Variants in ABCC6 observed in about 807,000 individuals in gnomAD.
ABCC6 encodes the protein ATP binding cassette subfamily C member 6.
Under a neutral mutation model 169.5 loss-of-function variants are expected in ABCC6, and 126 were observed. That is an observed-to-expected ratio of 0.74 (90% CI 0.64 to 0.86). The LOEUF (loss-of-function observed/expected upper bound fraction) is 0.86, where lower values mean the gene tolerates loss of function less well. Ranked by LOEUF, ABCC6 falls within the 40% of genes least tolerant of loss-of-function variation. ABCC6 has a pLI of 0.00. For missense variants in ABCC6, 1,733 were observed against 1,927.2 expected (o/e 0.90, Z 1.89); for synonymous variants, 752 against 814.7 (o/e 0.92, Z 1.31).
chr16:16,179,810 C>T (rs538337257), intron 17 of ABCC6, among the ~76,000 whole-genome samples: 36 of 152,170 alleles, frequency 2.4e-4, no homozygotes, highest in South Asian at 6.2e-4. Context: ...AGGCTGGTCT[C>T]GAACTCCTGC....
chr16:16,172,154 T>G (rs2047116969), intron 21 of ABCC6, among the ~76,000 whole-genome samples: 1 of 99,550 alleles, frequency 1.0e-5, no homozygotes. Context: ...AATGAGTGAG[T>G]GGGATGGATA....
chr16:16,170,096 TTG>T lies in ABCC6; in HGVS notation c.2788-245_2788-244del, dbSNP rs1491473663. Among the ~76,000 whole-genome samples the T allele has an allele frequency of 5.3e-3, 29 of 5,422 alleles. No homozygotes were observed. The South Asian group carries it at 0.061, about 11-fold the overall frequency. 3.6% of individuals were successfully genotyped at this position (5,422 alleles called of 152,430 possible). On this transcript the variant is annotated intron_variant, in intron 21 of 30. Transcript: ENST00000205557. ...GGAGCTAGTATTAATATTTTTTCTTTTGTTTTTTTTTTGAGGACAGGGTCTTG... is the reference window on the plus strand; with the variant it reads ...GGAGCTAGTATTAATATTTTTTCTTTTTTTTTTTTTGAGGACAGGGTCTTG...
intron 29 of ABCC6, among the ~76,000 whole-genome samples, chr16:16,152,321 A>G (rs2046409971): frequency 6.6e-6 from 1 of 151,200 alleles, no homozygotes; most frequent in South Asian, 2.1e-4. Context: ...CCCCTGACCC[A>G]GGTGGGAACT....
At chr16:16,192,018 A>C (rs1335563830) in intron 11 of ABCC6, among the ~76,000 whole-genome samples, 1 of 152,064 alleles carries the variant, frequency 6.6e-6, no homozygotes, top group Non-Finnish European at 1.5e-5. Context: ...GGGGGGAAAA[A>C]AGCAAAAACA....
At chr16:16,203,641 G>C in intron 7 of ABCC6, 28 bp from the exon 8 acceptor site, 1 of 1,612,852 alleles carries the variant, frequency 6.2e-7, no homozygotes, top group Non-Finnish European at 8.5e-7. Context: ...ATTAGCTCTG[G>C]GTCCCATTTT....
At chr16:16,200,021 T>C (rs1057489950) in intron 9 of ABCC6, among the ~76,000 whole-genome samples, 2 of 151,398 alleles carry the variant, frequency 1.3e-5, no homozygotes, top group Admixed American at 6.6e-5. Flanking sequence ...TGAGCCAAGA[T>C]TGCACCGCTG....
chr16:16,150,832 G>A (rs1404014024), intron 29 of ABCC6, 60 bp from the exon 30 acceptor site: 1 of 1,583,622 alleles, frequency 6.3e-7, no homozygotes, highest in African/African-American at 1.3e-5. Flanking sequence ...GTGATGTGTG[G>A]GTGTGCCCAG....
Position 16,177,603 on chromosome 16 carries a change from T to C in ABCC6, c.2439A>G (p.Ala813=). 1 of 1,614,064 alleles carries C rather than the reference T, an allele frequency of 6.2e-7. No homozygotes were observed. Among genetic ancestry groups the C allele is most frequent in the Non-Finnish European group, 8.5e-7 (1 of 1,180,010 alleles). ...AATCAGCCTGGGGCAGGATGTGGAG[T>C]GCGTGCGTCACGAGAATCCGTGTCT... ...QGTTRILVTH[A]LHILPQADWI... is the part of the protein sequence containing the mutation. The change falls in exon 19 of 31, where the codon GCA becomes GCG. Residue 813 remains alanine (A), a synonymous_variant. Coordinates refer to ENST00000205557, the MANE Select transcript of ABCC6 (RefSeq NM_001171.6).
chr16:16,159,346 C>A, intron 26 of ABCC6, 136 bp downstream of exon 26: 1 of 845,762 alleles, frequency 1.2e-6, no homozygotes, highest in Admixed American at 2.0e-5. Context: ...GTGACTCTGA[C>A]CTATAGTGGT....
Position 16,178,946 on chromosome 16 carries a change from C to A in ABCC6, c.2267G>T (p.Gly756Val), listed in dbSNP as rs752518198. The change falls in exon 18 of 31, where the codon GGC becomes GTC. Residue 756 changes from glycine to valine, a missense_variant. By Grantham distance (109) the Gly-to-Val change is moderately radical. This residue lies in a region of ABCC6 where 1,601 missense variants were observed against 1,635.5 expected (regional missense o/e 0.98). Transcript: ENST00000205557. ...IGEQGMNLSG[G>V]QKQRLSLARA... ...GGCCAGGCTCAGCCGCTGCTTCTGG[C>A]CTCCGGAGAGATTCATGCCCTGTGG... 4.3e-6 allele frequency: 7 copies of A among 1,613,016 alleles called. No individual in the cohort carries two copies. Among genetic ancestry groups the A allele is most frequent in the Non-Finnish European group, 5.1e-6 (6 of 1,180,022 alleles).
In ABCC6 at chr16:16,202,145, A is replaced by G; in HGVS notation, c.1032T>C (p.Pro344=). Residue 344 remains proline (P), a synonymous_variant, in exon 9 of 31, where the codon CCT becomes CCC. Transcript: ENST00000205557. ...LFLEFIGDPK[P]PAWKGYLLAV... is the part of the protein sequence containing the mutation. ...CGAGGAGGTAGCCCTTCCAGGCTGG[A>G]GGCTTGGGATCACCAATAAACTCCA... The G allele has an allele frequency of 1.9e-6, 3 of 1,613,758 alleles. No homozygotes were observed. Among genetic ancestry groups the G allele is most frequent in the Non-Finnish European group, 2.5e-6 (3 of 1,179,812 alleles).
chr16:16,159,918 T>C (rs1010812514), intron 25 of ABCC6, among the ~76,000 whole-genome samples: 5 of 152,256 alleles, frequency 3.3e-5, no homozygotes, highest in Admixed American at 1.3e-4. Context: ...GGCCCACTGA[T>C]TCCATTCTGA....
At chr16:16,170,597 C>T (rs1335270601) in intron 21 of ABCC6, among the ~76,000 whole-genome samples, 3 of 152,050 alleles carry the variant, frequency 2.0e-5, no homozygotes, top group Non-Finnish European at 4.4e-5. Context: ...TATATCTTGT[C>T]GTTGGCCTGT....
At chr16:16,205,898 T>C (rs4781749) in intron 7 of ABCC6, among the ~76,000 whole-genome samples, 10,578 of 149,558 alleles carry the variant, frequency 0.071, 665 homozygotes, top group African/African-American at 0.16. Flanking sequence ...GAGTGCCCCC[T>C]GCACATACTG....
intron 29 of ABCC6, among the ~76,000 whole-genome samples, chr16:16,154,020 G>C (rs1246924626): frequency 6.6e-6 from 1 of 151,796 alleles, no homozygotes; most frequent in Non-Finnish European, 1.5e-5. Flanking sequence ...TGCAATATCG[G>C]CTCACTGCAA....
chr16:16,153,603 T>TAACA lies in ABCC6; in HGVS notation c.4208+1021_4208+1024dup, dbSNP rs1172500438. ...TGTTGTGTAACAGTGTGAATGTACC[T>TAACA]AACACTACAGAAACTATACACTGAA... On this transcript the variant is annotated intron_variant, in intron 29 of 30. Transcript: ENST00000205557. Among the ~76,000 whole-genome samples the TAACA allele has an allele frequency of 3.3e-5, 5 of 152,162 alleles. No homozygotes were observed. In the East Asian group the frequency reaches 9.7e-4, roughly 30 times the overall value.
chr16:16,162,925 G>C, intron 24 of ABCC6, 68 bp downstream of exon 24: 1 of 1,596,242 alleles, frequency 6.3e-7, no homozygotes, highest in Non-Finnish European at 8.6e-7. Flanking sequence ...CATACAATAT[G>C]ACCTCAGGTC....
chr16:16,184,644 G>T (rs1295272134), intron 15 of ABCC6, among the ~76,000 whole-genome samples: 2 of 152,120 alleles, frequency 1.3e-5, no homozygotes, highest in African/African-American at 4.8e-5. Flanking sequence ...GAACCTTGGG[G>T]CTCCTCTCAG....
At chr16:16,162,967 G>T in intron 24 of ABCC6, 26 bp downstream of exon 24, 1 of 1,613,800 alleles carries the variant, frequency 6.2e-7, no homozygotes, top group Non-Finnish European at 8.5e-7. Flanking sequence ...GAATTGCAAG[G>T]TCTTCTCTGC....
Sources: gnomAD v4.1 joint callset for allele counts (sites outside exome capture counted in the v4.1 genomes callset) on GRCh38, gnomAD v4.1.1 for gene constraint, gnomAD v4.1.1 regional missense constraint, MANE v1.5 for transcripts, NCBI Gene and HGNC (gene_info 2026-07-23, HGNC 2026-07-21) for gene names.